The following PPFIBP1 variants were observed in gnomAD, a reference collection of about 807,000 sequenced individuals.
PPFIBP1 encodes PPFIB scaffold protein 1.
A neutral mutation model predicts 137.8 loss-of-function variants in PPFIBP1; 112 were observed. The observed-to-expected ratio is 0.81, with a 90% CI of 0.70 to 0.95. PPFIBP1 has a LOEUF of 0.95. Among genes scored for constraint, PPFIBP1 ranks in the 40% least tolerant of loss-of-function variants. The pLI is 0.00. For missense variants in PPFIBP1, 1,083 were observed against 1,196.6 expected (o/e 0.91, Z 1.40); for synonymous variants, 378 against 417.3 (o/e 0.91, Z 1.15).
intron 4 of PPFIBP1, among the ~76,000 whole-genome samples, chr12:27,639,370 A>G (rs1268401116): frequency 6.6e-6 from 1 of 152,238 alleles, no homozygotes; most frequent in Non-Finnish European, 1.5e-5. Flanking sequence ...ATGGAAAAAT[A>G]CGTCTAATTG....
intron 1 of PPFIBP1, among the ~76,000 whole-genome samples, chr12:27,558,228 C>T (rs1592449292): frequency 6.7e-6 from 1 of 148,914 alleles, no homozygotes; most frequent in Admixed American, 6.7e-5. Context: ...TTTCTTATAC[C>T]TTTTTCTTTT....
chr12:27,650,854 A>G (rs1032025112), intron 7 of PPFIBP1, among the ~76,000 whole-genome samples: 2 of 152,230 alleles, frequency 1.3e-5, no homozygotes, highest in African/African-American at 2.4e-5. Context: ...GAGCATATCC[A>G]TTTGAAACAT....
chr12:27,568,258 G>T (rs1378447181), intron 1 of PPFIBP1, among the ~76,000 whole-genome samples: 1 of 152,186 alleles, frequency 6.6e-6, no homozygotes, highest in Non-Finnish European at 1.5e-5. Flanking sequence ...AGTAATCTTA[G>T]AAGTTATTTT....
At chr12:27,622,659 G>A (rs2056445370) in intron 2 of PPFIBP1, among the ~76,000 whole-genome samples, 1 of 152,184 alleles carries the variant, frequency 6.6e-6, no homozygotes. Flanking sequence ...TGAAACCACT[G>A]GAATGTCAGC....
At chr12:27,584,297 ACAG>A (rs2051450239) in intron 2 of PPFIBP1, 2 of 152,272 alleles carry the variant, frequency 1.3e-5, no homozygotes, top group South Asian at 4.1e-4. Context: ...GCCATTTTAA[ACAG>A]CACAAGGGTT....
chr12:27,644,231 C>A (rs10128870), intron 4 of PPFIBP1, among the ~76,000 whole-genome samples: 2 of 146,822 alleles, frequency 1.4e-5, no homozygotes, highest in Non-Finnish European at 3.0e-5. Flanking sequence ...CGCACACCAC[C>A]AAGCTTGGCT....
At chr12:27,671,672 A>T in intron 14 of PPFIBP1, 126 bp downstream of exon 14, 1 of 578,846 alleles carries the variant, frequency 1.7e-6, no homozygotes. Context: ...CAAGATGTCC[A>T]CTGGGGGATC....
intron 1 of PPFIBP1, among the ~76,000 whole-genome samples, chr12:27,550,453 A>G (rs973224938): frequency 2.0e-5 from 3 of 152,216 alleles, no homozygotes; most frequent in African/African-American, 7.2e-5. Flanking sequence ...GTAAATTTTT[A>G]TTTAGCTCCT....
At chr12:27,629,725 A>G (rs889690787) in intron 2 of PPFIBP1, among the ~76,000 whole-genome samples, 7 of 152,286 alleles carry the variant, frequency 4.6e-5, no homozygotes, top group Non-Finnish European at 1.0e-4. Flanking sequence ...TAGCCTTTTC[A>G]TTTTTAAAAA....
rs373149305 is a variant in PPFIBP1, at chr12:27,688,378, A to G, written c.2451A>G (p.Glu817=). The change falls in exon 26 of 30, where the codon GAA becomes GAG. Residue 817 remains glutamate (E), a synonymous_variant. Transcript: ENST00000228425. ...MEWLRSVDLA[E]YAPNLRGSGV... is the part of the protein sequence containing the mutation. ...GGCTGCGCTCCGTGGACTTGGCAGAATATGCGCCCAATCTCAGAGGCAGTG... is the reference window on the plus strand; with the variant it reads ...GGCTGCGCTCCGTGGACTTGGCAGAGTATGCGCCCAATCTCAGAGGCAGTG... 1.5e-5 allele frequency: 24 copies of G among 1,614,042 alleles called. No homozygotes were observed. In the East Asian group the frequency reaches 2.2e-4, roughly 15 times the overall value.
chr12:27,623,544 T>G (rs2056534733), intron 2 of PPFIBP1, among the ~76,000 whole-genome samples: 1 of 151,736 alleles, frequency 6.6e-6, no homozygotes, highest in African/African-American at 2.4e-5. Flanking sequence ...CTACTAAAAA[T>G]AAAAATTTTA....
In PPFIBP1 at chr12:27,682,804, A is replaced by G. The variant is rs920243085; in HGVS notation, c.2247+101A>G. On this transcript the variant is annotated intron_variant, in intron 24 of 29. Coordinates refer to ENST00000228425, the MANE Select transcript of PPFIBP1 (RefSeq NM_003622.4). ...ACACAGTGTTTTCAGTGATTCCACC[A>G]GAGTTTGAAGCTGTTGCTTGAACTT... The G allele has an allele frequency of 5.1e-6, 8 of 1,566,556 alleles. No individual in the cohort carries two copies. In the African/African-American group the frequency reaches 9.5e-5, roughly 19 times the overall value.
chr12:27,582,965 T>TA (rs2051296493), intron 2 of PPFIBP1, among the ~76,000 whole-genome samples: 1 of 152,236 alleles, frequency 6.6e-6, no homozygotes, highest in African/African-American at 2.4e-5. Flanking sequence ...GTTTGTTTTT[T>TA]ACCTAATTCC....
intron 7 of PPFIBP1, among the ~76,000 whole-genome samples, chr12:27,653,545 G>A (rs1379244339): frequency 2.7e-5 from 4 of 150,172 alleles, no homozygotes; most frequent in African/African-American, 9.9e-5. Context: ...TGAGATGGCG[G>A]CACTGCACTC....
chr12:27,646,287 G>T (rs760980370), intron 5 of PPFIBP1, 139 bp downstream of exon 5: 1 of 712,316 alleles, frequency 1.4e-6, no homozygotes, highest in Non-Finnish European at 2.5e-6. Flanking sequence ...ACACAATAGG[G>T]AGTGGTGAGG....
chr12:27,636,049 A>C (rs889534990), intron 4 of PPFIBP1: 1 of 152,356 alleles, frequency 6.6e-6, no homozygotes. Context: ...GATCTACTTT[A>C]TGATCTGTGG....
chr12:27,688,129 G>T, intron 25 of PPFIBP1, 169 bp from the exon 26 acceptor site: 2 of 739,412 alleles, frequency 2.7e-6, no homozygotes, highest in Non-Finnish European at 4.4e-6. Context: ...TGCTTTATTA[G>T]TATATAAGAA....
At chr12:27,531,200 C>T (rs73087747) in intron 1 of PPFIBP1, among the ~76,000 whole-genome samples, 25,590 of 152,192 alleles carry the variant, frequency 0.17, 2,401 homozygotes, top group Middle Eastern at 0.26. Flanking sequence ...TGGCAAGTAA[C>T]TTAACCTCTC....
intron 22 of PPFIBP1, 76 bp from the exon 23 acceptor site, chr12:27,682,311 G>A: frequency 1.0e-6 from 1 of 989,678 alleles, no homozygotes; most frequent in Admixed American, 2.0e-5. Context: ...GCTTCATTTT[G>A]GAGAAATTTG....
Sources: gnomAD v4.1 joint callset for allele counts (sites outside exome capture counted in the v4.1 genomes callset) on GRCh38, gnomAD v4.1.1 for gene constraint, MANE v1.5 for transcripts, NCBI Gene and HGNC (gene_info 2026-07-23, HGNC 2026-07-21) for gene names.